Variants in SNAP91 observed in about 807,000 individuals in gnomAD.
SNAP91 encodes synaptosome associated protein 91, also known as clathrin coat assembly protein AP180.
Under a neutral mutation model 100.3 loss-of-function variants are expected in SNAP91, and 27 were observed. The observed-to-expected ratio is 0.27, with a 90% CI of 0.20 to 0.37. The LOEUF (loss-of-function observed/expected upper bound fraction) is 0.37, where lower values mean the gene tolerates loss of function less well. Among genes scored for constraint, SNAP91 ranks in the 10% least tolerant of loss-of-function variants. SNAP91 has a pLI of 1.00. For synonymous variants in SNAP91, 404 were observed against 398.6 expected (o/e 1.01, Z -0.16); for missense variants, 986 against 1,123.7 (o/e 0.88, Z 1.75).
intron 3 of SNAP91, among the ~76,000 whole-genome samples, chr6:83,664,431 C>G (rs967773562): frequency 2.6e-5 from 4 of 152,020 alleles, no homozygotes; most frequent in Non-Finnish European, 4.4e-5. Flanking sequence ...GCAACATTAG[C>G]AGGAATCTGG....
intron 26 of SNAP91, among the ~76,000 whole-genome samples, chr6:83,566,434 T>C (rs1269107273): frequency 6.6e-6 from 1 of 152,188 alleles, no homozygotes; most frequent in Non-Finnish European, 1.5e-5. Context: ...GCTTTACCCA[T>C]CATTTCAACA....
intron 27 of SNAP91, 117 bp downstream of exon 27, chr6:83,560,747 A>G (rs1028963159): frequency 1.2e-6 from 1 of 840,272 alleles, no homozygotes; most frequent in African/African-American, 1.7e-5. Context: ...CAACTTTTTA[A>G]GTTTTACTTA....
At chr6:83,631,069 T>C (rs2097187888) in intron 8 of SNAP91, among the ~76,000 whole-genome samples, 1 of 152,178 alleles carries the variant, frequency 6.6e-6, no homozygotes, top group Admixed American at 6.6e-5. Context: ...GAAGAATTTT[T>C]TGATTTTCAT....
intron 2 of SNAP91, among the ~76,000 whole-genome samples, chr6:83,704,959 G>A (rs776711669): frequency 7.2e-5 from 11 of 152,202 alleles, no homozygotes; most frequent in African/African-American, 1.2e-4. Context: ...TTTATAACTG[G>A]TGTTTACTGA....
At chr6:83,637,929 G>A (rs968928889) in intron 8 of SNAP91, among the ~76,000 whole-genome samples, 1 of 152,142 alleles carries the variant, frequency 6.6e-6, no homozygotes, top group African/African-American at 2.4e-5. Flanking sequence ...TGGCTGTGCT[G>A]GGGGTGCCAG....
At chr6:83,580,390 AC>A in intron 24 of SNAP91, 59 bp downstream of exon 24, 6 of 1,521,658 alleles carry the variant, frequency 3.9e-6, no homozygotes, top group Non-Finnish European at 4.5e-6. Flanking sequence ...AGAGAGAGAA[AC>A]AAAAAACAAT....
chr6:83,611,701 T>C (rs2096088801), intron 11 of SNAP91, among the ~76,000 whole-genome samples: 1 of 151,042 alleles, frequency 6.6e-6, no homozygotes. Flanking sequence ...TTAATATCTT[T>C]CTTTTTTTTT....
Position 83,629,673 on chromosome 6 carries a change from C to T in SNAP91, c.766-6331G>A, listed in dbSNP as rs572363712. The stretch of plus-strand genomic sequence containing the variant: ...CTCTGCTTGGTCAATGTTGGTGTAT[C>T]GAAGAGCTACTGATTTGTGCACATT... On this transcript the variant is annotated intron_variant, in intron 8 of 29. Transcript: ENST00000369694. Among the ~76,000 whole-genome samples, 95 of 151,952 alleles carry T rather than the reference C, an allele frequency of 6.3e-4. 1 individual carries two copies. The highest frequency in any genetic ancestry group is 2.1e-3 in the African/African-American group (88 of 41,488).
chr6:83,680,550 C>T (rs2128908402), intron 2 of SNAP91, among the ~76,000 whole-genome samples: 1 of 152,264 alleles, frequency 6.6e-6, no homozygotes, highest in Non-Finnish European at 1.5e-5. Context: ...CTTCTCCAAA[C>T]TTAATTCTTC....
chr6:83,655,727 A>C (rs530287308), intron 7 of SNAP91, among the ~76,000 whole-genome samples: 1 of 152,344 alleles, frequency 6.6e-6, no homozygotes, highest in East Asian at 1.9e-4. Context: ...TTATCAAAAG[A>C]AGCAGTCTAT....
intron 22 of SNAP91, among the ~76,000 whole-genome samples, chr6:83,588,578 A>T (rs1562232735): frequency 6.6e-6 from 1 of 152,220 alleles, no homozygotes; most frequent in Non-Finnish European, 1.5e-5. Flanking sequence ...CAGCTGTGGC[A>T]CAGGTATGTG....
chr6:83,596,987 T>C (rs1231684384), intron 16 of SNAP91, among the ~76,000 whole-genome samples: 1 of 152,206 alleles, frequency 6.6e-6, no homozygotes, highest in African/African-American at 2.4e-5. Context: ...CCCTTTAGGT[T>C]ATCACTTATG....
At chr6:83,676,521 G>A (rs1227219323) in intron 2 of SNAP91, among the ~76,000 whole-genome samples, 1 of 152,158 alleles carries the variant, frequency 6.6e-6, no homozygotes, top group Non-Finnish European at 1.5e-5. Flanking sequence ...CCTAAGGCAA[G>A]GGCATGCCTG....
chr6:83,557,917 T>G (rs188617386), intron 28 of SNAP91, among the ~76,000 whole-genome samples: 1 of 151,894 alleles, frequency 6.6e-6, no homozygotes, highest in Non-Finnish European at 1.5e-5. Flanking sequence ...AACTCACATT[T>G]ATTTTATTAT....
intron 26 of SNAP91, among the ~76,000 whole-genome samples, chr6:83,570,547 A>ACGGG (rs1428367461): frequency 4.9e-5 from 4 of 82,382 alleles, no homozygotes; most frequent in African/African-American, 2.8e-4. Context: ...CTGGAGGTTT[A>ACGGG]CGGGGTGGCG....
At chr6:83,619,231 G>A (rs2096617187) in intron 9 of SNAP91, among the ~76,000 whole-genome samples, 1 of 152,092 alleles carries the variant, frequency 6.6e-6, no homozygotes, top group Non-Finnish European at 1.5e-5. Flanking sequence ...AAGTTTGAAA[G>A]TGCTTCATCA....
intron 2 of SNAP91, among the ~76,000 whole-genome samples, chr6:83,671,977 C>A (rs1449240074): frequency 6.6e-6 from 1 of 152,012 alleles, no homozygotes; most frequent in African/African-American, 2.4e-5. Flanking sequence ...CCCTTCTGAT[C>A]ATAGCTGTCA....
chr6:83,611,468 A>G (rs982767432), intron 11 of SNAP91: 2 of 455,910 alleles, frequency 4.4e-6, no homozygotes, highest in African/African-American at 2.0e-5. Flanking sequence ...TGAAAAATGA[A>G]TAACAAAACA....
chr6:83,665,153 G>A (rs745390977), intron 3 of SNAP91, among the ~76,000 whole-genome samples: 20 of 151,878 alleles, frequency 1.3e-4, no homozygotes, highest in Non-Finnish European at 2.4e-4. Context: ...TGTGTGACTC[G>A]CTTATTGCAA....
Sources: gnomAD v4.1 joint callset for allele counts (sites outside exome capture counted in the v4.1 genomes callset) on GRCh38, gnomAD v4.1.1 for gene constraint, MANE v1.5 for transcripts, NCBI Gene and HGNC (gene_info 2026-07-23, HGNC 2026-07-21) for gene names.